Variants in MAGI2 observed in about 807,000 individuals in gnomAD.
MAGI2 encodes membrane associated guanylate kinase, WW and PDZ domain containing 2, also known as membrane-associated guanylate kinase, WW and PDZ domain-containing protein 2.
Under a neutral mutation model 133.3 loss-of-function variants are expected in MAGI2, and 35 were observed. The observed-to-expected ratio is 0.26, with a 90% CI of 0.20 to 0.35. The LOEUF is 0.35. MAGI2 is among the 10% of genes least tolerant of loss of function. MAGI2 has a pLI of 1.00. For missense variants in MAGI2, 1,636 were observed against 1,863.4 expected (o/e 0.88, Z 2.25); for synonymous variants, 729 against 710.6 (o/e 1.03, Z -0.41).
intron 2 of MAGI2, among the ~76,000 whole-genome samples, chr7:78,977,360 ACAAT>A (rs922115249): frequency 9.9e-5 from 15 of 151,610 alleles, no homozygotes; most frequent in African/African-American, 3.1e-4. Flanking sequence ...TGGTACAGGA[ACAAT>A]CAGACAGCCA....
intron 2 of MAGI2, among the ~76,000 whole-genome samples, chr7:78,732,426 T>G (rs1381162382): frequency 6.6e-6 from 1 of 152,198 alleles, no homozygotes; most frequent in Non-Finnish European, 1.5e-5. Flanking sequence ...GTCCCTTTTG[T>G]GATGGGTCTC....
chr7:78,093,991 A>T (rs1441427573), intron 20 of MAGI2, among the ~76,000 whole-genome samples: 8 of 152,232 alleles, frequency 5.3e-5, no homozygotes, highest in Non-Finnish European at 1.2e-4. Context: ...GAGCAGAAAA[A>T]TTCAAATTAG....
chr7:78,674,171 T>C (rs2151079411), intron 2 of MAGI2, among the ~76,000 whole-genome samples: 1 of 149,964 alleles, frequency 6.7e-6, no homozygotes, highest in Non-Finnish European at 1.5e-5. Flanking sequence ...GGAGAGAGGC[T>C]TTTTTTTGCA....
intron 1 of MAGI2, among the ~76,000 whole-genome samples, chr7:79,133,287 A>G (rs1317618199): frequency 2.0e-5 from 3 of 152,170 alleles, no homozygotes; most frequent in Non-Finnish European, 4.4e-5. Flanking sequence ...TTCAGGTTTT[A>G]TATTTCAGTC....
chr7:78,499,694 T>C (rs1286944486), intron 5 of MAGI2, among the ~76,000 whole-genome samples: 3 of 152,188 alleles, frequency 2.0e-5, no homozygotes, highest in African/African-American at 7.2e-5. Flanking sequence ...TGTAAGAAAA[T>C]AGTCTTTAAT....
chr7:78,172,520 C>A (rs1826212680), intron 14 of MAGI2, among the ~76,000 whole-genome samples: 1 of 152,218 alleles, frequency 6.6e-6, no homozygotes, highest in African/African-American at 2.4e-5. Context: ...TCCTTTCTGG[C>A]AACTTTTCAC....
chr7:78,674,945 G>T (rs1471827839), intron 2 of MAGI2, among the ~76,000 whole-genome samples: 1 of 152,128 alleles, frequency 6.6e-6, no homozygotes, highest in Non-Finnish European at 1.5e-5. Flanking sequence ...AAGTAAACAT[G>T]TTCAAAATTT....
intron 10 of MAGI2, among the ~76,000 whole-genome samples, chr7:78,212,420 T>C (rs1787857454): frequency 6.6e-6 from 1 of 152,140 alleles, no homozygotes; most frequent in East Asian, 1.9e-4. Context: ...TAGAGAGAGA[T>C]GGCAGCGTGA....
intron 9 of MAGI2, among the ~76,000 whole-genome samples, chr7:78,296,988 A>T (rs1003018084): frequency 6.6e-6 from 1 of 152,184 alleles, no homozygotes; most frequent in African/African-American, 2.4e-5. Context: ...ACACTATGAA[A>T]CTAGGGCTAC....
intron 3 of MAGI2, among the ~76,000 whole-genome samples, chr7:78,582,767 C>G (rs1802977164): frequency 6.6e-6 from 1 of 152,120 alleles, no homozygotes. Context: ...AACATAGACT[C>G]CTCTAGAAAA....
chr7:79,430,433 C>T (rs1847697995), intron 1 of MAGI2, among the ~76,000 whole-genome samples: 1 of 152,124 alleles, frequency 6.6e-6, no homozygotes, highest in Non-Finnish European at 1.5e-5. Context: ...GAGTTAAGTT[C>T]TTATCAAGTC....
chr7:78,144,486 C>T (rs1223121023), intron 16 of MAGI2, among the ~76,000 whole-genome samples: 1 of 152,136 alleles, frequency 6.6e-6, no homozygotes, highest in Non-Finnish European at 1.5e-5. Context: ...AAATCTTGTT[C>T]ACTGAAGCGT....
rs1174096501 is a variant in MAGI2, at chr7:79,028,235, GTATATATA to G, written c.302-21037_302-21030del. Among the ~76,000 whole-genome samples the G allele has an allele frequency of 7.4e-3, 218 of 29,326 alleles. 5 individuals are homozygous for G. The highest frequency in any genetic ancestry group is 0.019 in the African/African-American group (209 of 10,880). The allele number at this position is 29,326 out of a possible 152,430, so 19.2% of individuals were successfully genotyped here. ...CAAAAAAATATATATATATATGTAT[GTATATATA>G]TATATATATATATATATATATATAT... On this transcript the variant is annotated intron_variant, in intron 1 of 21. Transcript: ENST00000354212.
intron 2 of MAGI2, among the ~76,000 whole-genome samples, chr7:78,960,610 A>T (rs548832042): frequency 1.3e-5 from 2 of 152,274 alleles, no homozygotes; most frequent in Non-Finnish European, 2.9e-5. Flanking sequence ...TTCTGCTAGA[A>T]TCCTGTACTA....
At chr7:79,046,722 C>A (rs1812213694) in intron 1 of MAGI2, among the ~76,000 whole-genome samples, 1 of 152,158 alleles carries the variant, frequency 6.6e-6, no homozygotes. Flanking sequence ...CATGCTGGCA[C>A]TGAAGTCTTG....
intron 1 of MAGI2, among the ~76,000 whole-genome samples, chr7:79,400,944 T>C (rs1238316926): frequency 1.3e-5 from 2 of 152,138 alleles, no homozygotes; most frequent in Non-Finnish European, 2.9e-5. Context: ...ATATGACAGA[T>C]CTTGATTTTA....
At chr7:79,065,760 T>C (rs1322053132) in intron 1 of MAGI2, among the ~76,000 whole-genome samples, 4 of 152,148 alleles carry the variant, frequency 2.6e-5, no homozygotes, top group African/African-American at 7.2e-5. Flanking sequence ...CATCCATGTG[T>C]CCATGTGTTC....
intron 2 of MAGI2, among the ~76,000 whole-genome samples, chr7:78,781,476 A>G (rs1826397441): frequency 6.6e-6 from 1 of 152,072 alleles, no homozygotes; most frequent in South Asian, 2.1e-4. Flanking sequence ...TATTGCCCAC[A>G]TAAATGTGCA....
At chr7:78,561,739 C>A (rs1800427846) in intron 3 of MAGI2, among the ~76,000 whole-genome samples, 2 of 152,066 alleles carry the variant, frequency 1.3e-5, no homozygotes, top group African/African-American at 4.8e-5. Context: ...ACGCAGGAAG[C>A]AAAGAGGTCA....
Sources: allele counts gnomAD v4.1 joint callset (sites outside exome capture counted in the v4.1 genomes callset), GRCh38; gene constraint gnomAD v4.1.1; transcripts MANE v1.5; gene names NCBI Gene and HGNC (gene_info 2026-07-23, HGNC 2026-07-21).